ESR1: variants seen among roughly 807,000 people sequenced by gnomAD.
The protein encoded by ESR1 is estrogen receptor 1, also known as estrogen receptor.
A neutral mutation model predicts 52.7 loss-of-function variants in ESR1; 12 were observed. The observed-to-expected ratio is 0.23, with a 90% CI of 0.15 to 0.37. The LOEUF (loss-of-function observed/expected upper bound fraction) is 0.37, where lower values mean the gene tolerates loss of function less well. Ranked by LOEUF, ESR1 falls within the 10% of genes least tolerant of loss-of-function variation. ESR1 has a pLI of 1.00. For synonymous variants in ESR1, 305 were observed against 316.8 expected (o/e 0.96, Z 0.39); for missense variants, 584 against 779.7 (o/e 0.75, Z 2.99).
At chr6:151,890,588 G>GTTCCCCAATATTATTGTAT (rs1454089884) in intron 3 of ESR1, among the ~76,000 whole-genome samples, 1 of 152,106 alleles carries the variant, frequency 6.6e-6, no homozygotes, top group Non-Finnish European at 1.5e-5. Flanking sequence ...GGGGTACTGA[G>GTTCCCCAATATTATTGTAT]TTCCCCAATA....
chr6:151,821,143 C>T (rs1335969718), intron 1 of ESR1, among the ~76,000 whole-genome samples: 1 of 151,948 alleles, frequency 6.6e-6, no homozygotes, highest in Non-Finnish European at 1.5e-5. Flanking sequence ...TATTCTGACT[C>T]CTGACCACTA....
intron 2 of ESR1, among the ~76,000 whole-genome samples, chr6:151,769,887 G>A (rs1206385986): frequency 6.6e-6 from 1 of 152,148 alleles, no homozygotes; most frequent in African/African-American, 2.4e-5. Flanking sequence ...AGTTAGCCAG[G>A]CATGGTGGCA....
rs181411100 is a variant in ESR1 at position 151,957,525 on chromosome 6, G to T, written c.1096+13017G>T. On this transcript the variant is annotated intron_variant, in intron 4 of 7. Coordinates refer to ENST00000206249, the MANE Select transcript of ESR1 (RefSeq NM_000125.4). ...CACTAACCAAAAACAATTAAAATTT[G>T]ATTGTTTTGTTTTTACATGTTGTTA... 2.9e-4 allele frequency among the ~76,000 whole-genome samples: 27 copies of T among 91,578 alleles called. No individual in the cohort carries two copies. In the East Asian group the frequency reaches 4.8e-3, roughly 16 times the overall value. 60.1% of individuals were successfully genotyped at this position (91,578 alleles called of 152,430 possible). A position where few individuals can be genotyped will look rare whatever the true frequency, so the allele number is the denominator to read the frequency against.
intron 3 of ESR1, among the ~76,000 whole-genome samples, chr6:151,910,503 C>T (rs894578129): frequency 1.3e-5 from 2 of 152,116 alleles, no homozygotes; most frequent in African/African-American, 2.4e-5. Flanking sequence ...GATGAATGCT[C>T]AGGTAATTGT....
At chr6:151,714,586 T>A (rs561264577) in intron 2 of ESR1, among the ~76,000 whole-genome samples, 1 of 152,242 alleles carries the variant, frequency 6.6e-6, no homozygotes, top group African/African-American at 2.4e-5. Context: ...TTTACCATTA[T>A]GTAATGCCCT....
intron 1 of ESR1, among the ~76,000 whole-genome samples, chr6:151,810,393 C>T (rs958915058): frequency 6.6e-6 from 1 of 152,032 alleles, no homozygotes; most frequent in Non-Finnish European, 1.5e-5. Flanking sequence ...AGAATTCTGC[C>T]TGTTATTATC....
At position 152,101,634 on chromosome 6, in the gene ESR1, T is replaced by C. The variant is rs1476035644; in HGVS notation, c.*2668T>C. On this transcript the variant is annotated 3_prime_UTR_variant, in exon 8 of 8. Coordinates refer to ENST00000206249, the MANE Select transcript of ESR1 (RefSeq NM_000125.4). ...TTTTCTGGCTGATGTTGGTATTGGG[T>C]GTAGGAACATGATTTAAAAAAAAAC... is the stretch of plus-strand genomic sequence containing the variant. 1 of 230,954 alleles carries C rather than the reference T, an allele frequency of 4.3e-6. No homozygotes were observed. Among genetic ancestry groups the C allele is most frequent in the East Asian group, 6.2e-5 (1 of 16,258 alleles). 14.3% of individuals were successfully genotyped at this position (230,954 alleles called of 1,614,324 possible).
chr6:151,785,289 G>C lies in ESR1; in HGVS notation c.-70-22554G>C, dbSNP rs140337037. Among the ~76,000 whole-genome samples the C allele has an allele frequency of 5.2e-3, 794 of 152,316 alleles. 7 individuals are homozygous for C. Among genetic ancestry groups the C allele is most frequent in the African/African-American group, 0.018 (762 of 41,566 alleles). The stretch of plus-strand genomic sequence containing the variant: ...AGGAGTGCTTTGACAGAATGGTCAA[G>C]AGAGATGGCATCTGGGTGGAGATAT... On this transcript the variant is annotated intron_variant, in intron 2 of 2. Transcript: ENST00000404742.
At chr6:151,785,978 C>G (rs906685522) in intron 2 of ESR1, among the ~76,000 whole-genome samples, 3 of 152,078 alleles carry the variant, frequency 2.0e-5, no homozygotes, top group African/African-American at 7.2e-5. Flanking sequence ...AGATCACAGC[C>G]ACCCTGGGGT....
chr6:151,700,394 T>C (rs541302275), intron 1 of ESR1, among the ~76,000 whole-genome samples: 1 of 152,354 alleles, frequency 6.6e-6, no homozygotes, highest in East Asian at 1.9e-4. Context: ...GAGCAATTTC[T>C]GTACCTCCTT....
chr6:151,668,927 G>C (rs768798819), intron 1 of ESR1, among the ~76,000 whole-genome samples: 6 of 152,014 alleles, frequency 3.9e-5, no homozygotes, highest in Admixed American at 2.0e-4. Context: ...GGAGAATGGA[G>C]AGCACTTGGC....
At chr6:151,790,383 T>A (rs1776036756) in intron 2 of ESR1, among the ~76,000 whole-genome samples, 1 of 152,204 alleles carries the variant, frequency 6.6e-6, no homozygotes, top group African/African-American at 2.4e-5. Flanking sequence ...TTGGCAGACA[T>A]GAATCAATAC....
intron 2 of ESR1, among the ~76,000 whole-genome samples, chr6:151,783,691 G>C (rs1302231897): frequency 6.6e-6 from 1 of 152,110 alleles, no homozygotes; most frequent in African/African-American, 2.4e-5. Flanking sequence ...TCTTGCATTA[G>C]TATGGTATAT....
At chr6:151,875,764 G>T (rs891119132) in intron 2 of ESR1, among the ~76,000 whole-genome samples, 6 of 152,202 alleles carry the variant, frequency 3.9e-5, no homozygotes, top group Non-Finnish European at 8.8e-5. Context: ...GGGGTGAGAA[G>T]CATGGCATGT....
intron 6 of ESR1, among the ~76,000 whole-genome samples, chr6:152,124,486 C>G (rs1302006534): frequency 2.0e-5 from 3 of 152,222 alleles, no homozygotes; most frequent in African/African-American, 7.2e-5. Context: ...CACTTCATCT[C>G]TAGGTGTCAA....
chr6:152,030,275 T>A (rs1481659658), intron 5 of ESR1, among the ~76,000 whole-genome samples: 3 of 152,108 alleles, frequency 2.0e-5, no homozygotes, highest in Non-Finnish European at 2.9e-5. Flanking sequence ...AGGATCAAAT[T>A]CACACATAAC....
intron 2 of ESR1, among the ~76,000 whole-genome samples, chr6:151,864,825 A>G (rs1210577642): frequency 6.6e-6 from 1 of 151,920 alleles, no homozygotes; most frequent in East Asian, 1.9e-4. Flanking sequence ...ATTCTCAGCA[A>G]ACTATTGCAA....
At chr6:152,117,536 G>T (rs554459486) in intron 6 of ESR1, among the ~76,000 whole-genome samples, 6 of 152,298 alleles carry the variant, frequency 3.9e-5, no homozygotes, top group Non-Finnish European at 4.4e-5. Context: ...GCAAATTCAT[G>T]AGCCTGATTT....
chr6:151,782,652 T>A (rs1296848280), intron 2 of ESR1, among the ~76,000 whole-genome samples: 1 of 152,196 alleles, frequency 6.6e-6, no homozygotes, highest in Non-Finnish European at 1.5e-5. Context: ...GTGCACATTT[T>A]AACATTCCTC....
Sources: gnomAD v4.1 joint callset for allele counts (sites outside exome capture counted in the v4.1 genomes callset) on GRCh38, gnomAD v4.1.1 for gene constraint, MANE v1.5 for transcripts, NCBI Gene and HGNC (gene_info 2026-07-23, HGNC 2026-07-21) for gene names.